TADA2B: variants seen among roughly 807,000 people sequenced by gnomAD.
The protein encoded by TADA2B is transcriptional adapter 2-beta.
A neutral mutation model predicts 34.5 loss-of-function variants in TADA2B; 13 were observed. The observed-to-expected ratio is 0.38, with a 90% CI of 0.25 to 0.60. The LOEUF (loss-of-function observed/expected upper bound fraction) is 0.60. Ranked by LOEUF, TADA2B falls within the 20% of genes least tolerant of loss-of-function variation. TADA2B has a pLI of 0.65. For synonymous variants in TADA2B, 240 were observed against 243.4 expected, an observed-to-expected ratio of 0.99 and a Z score of 0.13; for missense variants, 442 against 575.0, an observed-to-expected ratio of 0.77 and a Z score of 2.37.
intron 1 of TADA2B, among the ~76,000 whole-genome samples, chr4:7,049,510 T>A (rs1723716309): frequency 6.6e-6 from 1 of 152,252 alleles, no homozygotes; most frequent in African/African-American, 2.4e-5. Flanking sequence ...CACTGAGGTC[T>A]CTGAGTTGAG....
intron 1 of TADA2B, 126 bp downstream of exon 1, chr4:7,043,975 TG>T (rs1723552725): frequency 8.1e-7 from 1 of 1,237,806 alleles, no homozygotes. Flanking sequence ...GCCCCGGAGG[TG>T]GGGAGGGCGA....
In TADA2B at chr4:7,054,808, C is replaced by T. The variant is rs377183651; in HGVS notation, c.1017C>T (p.Phe339=). The T allele has an allele frequency of 5.9e-5, 95 of 1,613,770 alleles. No individual in the cohort carries two copies. The highest frequency in any genetic ancestry group is 7.5e-5 in the Non-Finnish European group (88 of 1,179,896). ...RGKEDGKDSE[F]AAIENLPGFE... is the part of the protein sequence containing the mutation. ...AGGAGGACGGCAAAGACAGCGAGTT[C>T]GCCGCCATTGAGAACCTTCCAGGCT... Residue 339 remains phenylalanine (F), a synonymous_variant, in exon 2 of 2, where the codon TTC becomes TTT. Transcript: ENST00000310074.
At chr4:7,052,465 G>T (rs1032385766) in intron 1 of TADA2B, among the ~76,000 whole-genome samples, 1 of 152,274 alleles carries the variant, frequency 6.6e-6, no homozygotes, top group African/African-American at 2.4e-5. Flanking sequence ...AAGAGCATGA[G>T]TTCCTGGTGG....
In TADA2B at chr4:7,054,499, C is replaced by G. The variant is rs1316234090; in HGVS notation, c.708C>G (p.Asp236Glu). ...TGGTGCCAGCCTTCCTGGGGAAGGA[C>G]AAGAAGGAGAAGGAAAAGGCGCTGA... is the stretch of plus-strand genomic sequence containing the variant. ...YNLVPAFLGK[D>E]KKEKEKALKR... is the part of the protein sequence containing the mutation. The change falls in exon 2 of 2, where the codon GAC (aspartate) becomes GAG (glutamate). Residue 236 changes from aspartate to glutamate, a missense_variant. This residue lies in a region of TADA2B where 222 missense variants were observed against 235.2 expected (regional missense o/e 0.94). Coordinates refer to ENST00000310074, the MANE Select transcript of TADA2B (RefSeq NM_152293.3). 8.7e-6 allele frequency: 14 copies of G among 1,613,492 alleles called. No individual in the cohort carries two copies. Among genetic ancestry groups the G allele is most frequent in the African/African-American group, 1.3e-5 (1 of 74,886 alleles).
At chr4:7,050,433 C>T (rs1210196031) in intron 1 of TADA2B, among the ~76,000 whole-genome samples, 1 of 152,242 alleles carries the variant, frequency 6.6e-6, no homozygotes, top group Non-Finnish European at 1.5e-5. Context: ...GAGACTTCTT[C>T]ATTTGGAGAA....
intron 1 of TADA2B, among the ~76,000 whole-genome samples, chr4:7,049,182 G>A (rs1330518445): frequency 1.3e-5 from 2 of 152,194 alleles, no homozygotes; most frequent in East Asian, 1.9e-4. Context: ...GGGCTCAAGC[G>A]ATCCTCCTAC....
intron 1 of TADA2B, among the ~76,000 whole-genome samples, chr4:7,047,129 G>T (rs1723649825): frequency 6.6e-6 from 1 of 152,204 alleles, no homozygotes; most frequent in Non-Finnish European, 1.5e-5. Context: ...GATTCCAAGA[G>T]TTAGAGGATG....
intron 1 of TADA2B, among the ~76,000 whole-genome samples, chr4:7,044,713 C>T (rs1038306030): frequency 6.6e-6 from 1 of 152,292 alleles, no homozygotes; most frequent in East Asian, 1.9e-4. Context: ...TGGCCATCCC[C>T]GGGCACCCTG....
chr4:7,051,352 C>T (rs1017338554), intron 1 of TADA2B, among the ~76,000 whole-genome samples: 5 of 152,154 alleles, frequency 3.3e-5, no homozygotes, highest in Non-Finnish European at 7.4e-5. Flanking sequence ...AGCCTGGGCA[C>T]GAGGAGCAAA....
In TADA2B at chr4:7,054,230, C is replaced by T. The variant is rs976334293; in HGVS notation, c.439C>T (p.Leu147Phe). Residue 147 changes from leucine (L) to phenylalanine (F), a missense_variant, in exon 2 of 2, where the codon CTC (leucine) becomes TTC (phenylalanine). By Grantham distance (22) the Leu-to-Phe change is conservative. This residue lies in a region of TADA2B where 222 missense variants were observed against 235.2 expected (regional missense o/e 0.94). Coordinates refer to ENST00000310074, the MANE Select transcript of TADA2B (RefSeq NM_152293.3). ...CAGCGGAGGCCCCCTCTCACCCAGC[C>T]TCACCACCCCGCTGCCCCCGCTGGA... ...CPSGGPLSPS[L>F]TTPLPPLDIS... The T allele has an allele frequency of 3.7e-6, 6 of 1,608,348 alleles. No homozygotes were observed. The African/African-American group carries it at 5.4e-5, about 14-fold the overall frequency.
In TADA2B at chr4:7,054,341, C is replaced by T; in HGVS notation, c.550C>T (p.Leu184Phe). The change falls in exon 2 of 2, where the codon CTC becomes TTC. Residue 184 changes from leucine to phenylalanine, a missense_variant. Coordinates refer to ENST00000310074, the MANE Select transcript of TADA2B (RefSeq NM_152293.3). ...EIEYDQDAETLISGLSVNYDD... is the reference protein window; with the variant it reads ...EIEYDQDAETFISGLSVNYDD... ...CGAGTATGACCAGGATGCCGAGACG[C>T]TCATCAGCGGGCTCTCTGTCAACTA... 1 of 1,613,482 alleles carries T rather than the reference C, an allele frequency of 6.2e-7. No homozygotes were observed. The highest frequency in any genetic ancestry group is 8.5e-7 in the Non-Finnish European group (1 of 1,179,890).
At chr4:7,050,682 C>T (rs1333989794) in intron 1 of TADA2B, among the ~76,000 whole-genome samples, 2 of 152,170 alleles carry the variant, frequency 1.3e-5, no homozygotes, top group Non-Finnish European at 2.9e-5. Context: ...GGCACGACGC[C>T]GGGCGCAAAG....
intron 1 of TADA2B, 54 bp downstream of exon 1, chr4:7,043,903 C>G: frequency 7.0e-7 from 1 of 1,432,370 alleles, no homozygotes; most frequent in Non-Finnish European, 9.1e-7. Flanking sequence ...AGGCCCGCGC[C>G]TCTCCTGTAA....
At chr4:7,046,386 A>G (rs750850267) in intron 1 of TADA2B, among the ~76,000 whole-genome samples, 1 of 152,124 alleles carries the variant, frequency 6.6e-6, no homozygotes, top group Middle Eastern at 3.2e-3. Context: ...GGCTCTTCCC[A>G]TATGTGTCCT....
chr4:7,048,602 T>G (rs906427987), intron 1 of TADA2B, among the ~76,000 whole-genome samples: 1 of 152,108 alleles, frequency 6.6e-6, no homozygotes, highest in Non-Finnish European at 1.5e-5. Flanking sequence ...TAACATAAAA[T>G]TTACCATTTT....
At chr4:7,044,714 G>T (rs576034530) in intron 1 of TADA2B, among the ~76,000 whole-genome samples, 4 of 152,216 alleles carry the variant, frequency 2.6e-5, no homozygotes, top group Non-Finnish European at 4.4e-5. Flanking sequence ...GGCCATCCCC[G>T]GGCACCCTGA....
chr4:7,044,886 G>A (rs911021904), intron 1 of TADA2B: 1 of 152,232 alleles, frequency 6.6e-6, no homozygotes. Context: ...TCCTGAGTGA[G>A]TCTCAGGGCC....
chr4:7,054,516 A>G lies in TADA2B; in HGVS notation c.725A>G (p.Lys242Arg), dbSNP rs758866010. The G allele has an allele frequency of 4.0e-5, 65 of 1,613,684 alleles. No individual in the cohort carries two copies. The highest frequency in any genetic ancestry group is 5.3e-5 in the Non-Finnish European group (62 of 1,179,914). ...GGGAAGGACAAGAAGGAGAAGGAAA[A>G]GGCGCTGAAGCGCAAGATCACCAAG... is the stretch of plus-strand genomic sequence containing the variant. ...FLGKDKKEKE[K>R]ALKRKITKEE... The change falls in exon 2 of 2, where the codon AAG (lysine) becomes AGG (arginine). Residue 242 changes from lysine to arginine, a missense_variant. Lys to Arg is a conservative substitution (Grantham distance 26, BLOSUM62 2). Coordinates refer to ENST00000310074, the MANE Select transcript of TADA2B (RefSeq NM_152293.3).
intron 1 of TADA2B, among the ~76,000 whole-genome samples, chr4:7,044,738 G>T (rs1723580639): frequency 6.6e-6 from 1 of 152,174 alleles, no homozygotes; most frequent in Non-Finnish European, 1.5e-5. Flanking sequence ...GGAGGGGAGT[G>T]AGACACCCCC....
Sources: gnomAD v4.1 joint callset for allele counts (sites outside exome capture counted in the v4.1 genomes callset) on GRCh38, gnomAD v4.1.1 for gene constraint, gnomAD v4.1.1 regional missense constraint, MANE v1.5 for transcripts, NCBI Gene and HGNC (gene_info 2026-07-23, HGNC 2026-07-21) for gene names.